ACAT2: variants seen among roughly 807,000 people sequenced by gnomAD.
ACAT2 encodes acetyl-CoA acetyltransferase, cytosolic.
In ACAT2, 26 loss-of-function variants were observed where a neutral mutation model predicts 37.1. The observed-to-expected ratio is 0.70, with a 90% confidence interval of 0.51 to 0.97. The LOEUF (loss-of-function observed/expected upper bound fraction) is 0.97, where lower values mean the gene tolerates loss of function less well. ACAT2 is among the 50% of genes least tolerant of loss of function. The pLI, the probability that ACAT2 is intolerant of heterozygous loss-of-function variation, is 0.00. For missense variants in ACAT2, 468 were observed against 489.0 expected (o/e 0.96, Z 0.40); for synonymous variants, 156 against 163.6 (o/e 0.95, Z 0.35).
intron 6 of ACAT2, among the ~76,000 whole-genome samples, chr6:159,777,023 G>A (rs1016827174): frequency 2.0e-5 from 3 of 152,176 alleles, no homozygotes; most frequent in African/African-American, 7.2e-5. Flanking sequence ...CTGACCTCAG[G>A]TGATTCACCC....
At chr6:159,762,293 G>GCGGGATCCCTGGAACCCTGCGC in intron 1 of ACAT2, 151 bp downstream of exon 1, 5 of 1,218,700 alleles carry the variant, frequency 4.1e-6, no homozygotes, top group Non-Finnish European at 5.6e-6. Flanking sequence ...GAACCCTGCG[G>GCGGGATCCCTGGAACCCTGCGC]CTCCCGCGTT....
chr6:159,769,779 G>T (rs140271124), intron 4 of ACAT2, among the ~76,000 whole-genome samples: 2 of 152,324 alleles, frequency 1.3e-5, no homozygotes, highest in East Asian at 3.9e-4. Flanking sequence ...AAGAAGCAGA[G>T]AATTTGGGGC....
Position 159,767,460 on chromosome 6 carries a change from T to C in ACAT2, c.372+274T>C, listed in dbSNP as rs373443448. ...GCATGTAATATTTTCTGAATTAAAT[T>C]CATATTAGTTGCTTGATGTCCTTGG... is the stretch of plus-strand genomic sequence containing the variant. On this transcript the variant is annotated intron_variant, in intron 3 of 8. Transcript: ENST00000367048. 7.9e-5 allele frequency among the ~76,000 whole-genome samples: 12 copies of C among 152,208 alleles called. No individual in the cohort carries two copies. In the East Asian group the frequency reaches 2.1e-3, roughly 27 times the overall value.
At chr6:159,774,603 T>C (rs1469202826) in intron 4 of ACAT2, among the ~76,000 whole-genome samples, 2 of 151,982 alleles carry the variant, frequency 1.3e-5, no homozygotes, top group Non-Finnish European at 2.9e-5. Context: ...ACACACACCA[T>C]GCCCGGCTAA....
intron 2 of ACAT2, among the ~76,000 whole-genome samples, chr6:159,766,208 T>C (rs911224240): frequency 2.0e-5 from 3 of 152,226 alleles, no homozygotes; most frequent in Non-Finnish European, 4.4e-5. Context: ...TTAAGCATAG[T>C]GTAATGAATA....
In ACAT2 at chr6:159,778,872, T is replaced by C. The variant is rs1286662274; in HGVS notation, c.*43T>C. ...CAACCTCAATTTCTTTTTAAACTAATAAAGTACTAGGTTGCAATATGTGAA... is the reference window on the plus strand; with the variant it reads ...CAACCTCAATTTCTTTTTAAACTAACAAAGTACTAGGTTGCAATATGTGAA... On this transcript the variant is annotated 3_prime_UTR_variant, in exon 9 of 9. Coordinates refer to ENST00000367048, the MANE Select transcript of ACAT2 (RefSeq NM_005891.3). 2 of 1,612,486 alleles carry C rather than the reference T, an allele frequency of 1.2e-6. No individual in the cohort carries two copies. The highest frequency in any genetic ancestry group is 1.7e-6 in the Non-Finnish European group (2 of 1,178,836).
intron 2 of ACAT2, 47 bp downstream of exon 2, chr6:159,763,100 C>T (rs374044350): frequency 1.9e-4 from 299 of 1,579,290 alleles, no homozygotes; most frequent in Non-Finnish European, 2.5e-4. Flanking sequence ...TAGAAACAGC[C>T]CATAAACACA....
chr6:159,775,053 A>G, intron 4 of ACAT2, 117 bp from the exon 5 acceptor site: 4 of 1,209,976 alleles, frequency 3.3e-6, no homozygotes, highest in Non-Finnish European at 4.6e-6. Context: ...TGCACAGGCC[A>G]CCATGAGCCT....
intron 6 of ACAT2, among the ~76,000 whole-genome samples, chr6:159,776,795 TTTTTTC>T (rs1463985217): frequency 6.6e-6 from 1 of 151,582 alleles, no homozygotes; most frequent in Non-Finnish European, 1.5e-5. Context: ...GTAATCCTTT[TTTTTTC>T]TTTTTGAGAC....
At chr6:159,774,633 A>G (rs188641799) in intron 4 of ACAT2, among the ~76,000 whole-genome samples, 4 of 152,100 alleles carry the variant, frequency 2.6e-5, no homozygotes, top group Admixed American at 2.6e-4. Flanking sequence ...TAATGGAGAC[A>G]GGGTCTCGCT....
chr6:159,776,112 C>CA, intron 5 of ACAT2, 38 bp from the exon 6 acceptor site: 1 of 1,606,850 alleles, frequency 6.2e-7, no homozygotes, highest in Non-Finnish European at 8.5e-7. Flanking sequence ...ACTTCTGTCT[C>CA]TGGACTAATC....
At position 159,776,163 on chromosome 6, in the gene ACAT2, TAAAAC is replaced by T; in HGVS notation, c.650_654del (p.Lys217ArgfsTer2). On this transcript the variant is annotated frameshift_variant, in exon 6 of 9. Coordinates refer to ENST00000367048, the MANE Select transcript of ACAT2 (RefSeq NM_005891.3). LOFTEE classifies it high-confidence loss of function. ...TCCTTTGCTTAGGTCTTATTGAAGT[TAAAAC>T]AGATGAGTTTCCTCGCCATGGGAGC... 2 of 1,614,054 alleles carry T rather than the reference TAAAAC, an allele frequency of 1.2e-6. No individual in the cohort carries two copies. The highest frequency in any genetic ancestry group is 1.7e-6 in the Non-Finnish European group (2 of 1,179,950).
rs1780491413 is a variant in ACAT2 at position 159,778,663 on chromosome 6, A to G, written c.1028A>G (p.Asn343Ser). ...KELGLNPEKVNIEGGAIALGH... is the reference protein window; with the variant it reads ...KELGLNPEKVSIEGGAIALGH... ...AAATCTTTTCTCCCCCGTTAGGTCA[A>G]TATTGAAGGAGGGGCTATAGCCTTG... Residue 343 changes from asparagine (N) to serine (S), a missense_variant, in exon 9 of 9, where the codon AAT becomes AGT. Physicochemically the swap from Asn to Ser is conservative, Grantham distance 46. Coordinates refer to ENST00000367048, the MANE Select transcript of ACAT2 (RefSeq NM_005891.3). The G allele has an allele frequency of 1.9e-6, 3 of 1,613,990 alleles. No individual in the cohort carries two copies. The African/African-American group carries it at 4.0e-5, about 22-fold the overall frequency.
intron 4 of ACAT2, among the ~76,000 whole-genome samples, chr6:159,769,529 C>T (rs1353848002): frequency 6.6e-6 from 1 of 152,176 alleles, no homozygotes; most frequent in East Asian, 1.9e-4. Context: ...AGAAAAAAGG[C>T]TCAGGTCATG....
Position 159,762,251 on chromosome 6 carries a change from A to G in ACAT2, c.55+109A>G, listed in dbSNP as rs1455962116. The G allele has an allele frequency of 1.0e-5, 14 of 1,392,840 alleles. No individual in the cohort carries two copies. The African/African-American group carries it at 1.9e-4, about 19-fold the overall frequency. 86.3% of individuals were successfully genotyped at this position (1,392,840 alleles called of 1,614,324 possible). ...GGGGCGTATGTGGAGGAAGCCGGTCAGGCCAAGCCGCGAGGAGCCGCGGGA... is the reference window on the plus strand; with the variant it reads ...GGGGCGTATGTGGAGGAAGCCGGTCGGGCCAAGCCGCGAGGAGCCGCGGGA... On this transcript the variant is annotated intron_variant, in intron 1 of 8. Coordinates refer to ENST00000367048, the MANE Select transcript of ACAT2 (RefSeq NM_005891.3).
chr6:159,766,402 C>T (rs566262415), intron 2 of ACAT2, among the ~76,000 whole-genome samples: 9 of 151,508 alleles, frequency 5.9e-5, no homozygotes, highest in East Asian at 1.9e-4. Flanking sequence ...AGCACCCCCC[C>T]GCACTTTTTT....
Position 159,779,096 on chromosome 6 carries a change from A to G in ACAT2, c.*267A>G, listed in dbSNP as rs1390702026. ...CAGCATCTTCATAACTTCCATGTTT[A>G]TCATCTTTACTTTCTGGATGTAATT... On this transcript the variant is annotated 3_prime_UTR_variant, in exon 9 of 9. Coordinates refer to ENST00000367048, the MANE Select transcript of ACAT2 (RefSeq NM_005891.3). 6 of 1,614,000 alleles carry G rather than the reference A, an allele frequency of 3.7e-6. No homozygotes were observed. Among genetic ancestry groups the G allele is most frequent in the Non-Finnish European group, 5.1e-6 (6 of 1,179,986 alleles).
Position 159,778,681 on chromosome 6 carries a change from T to C in ACAT2, c.1046T>C (p.Ile349Thr). ...TAGGTCAATATTGAAGGAGGGGCTATAGCCTTGGGCCACCCTCTTGGAGCA... is the reference window on the plus strand; with the variant it reads ...TAGGTCAATATTGAAGGAGGGGCTACAGCCTTGGGCCACCCTCTTGGAGCA... ...PEKVNIEGGA[I>T]ALGHPLGASG... Residue 349 changes from isoleucine (I) to threonine (T), a missense_variant, in exon 9 of 9, where the codon ATA (isoleucine) becomes ACA (threonine). Transcript: ENST00000367048. 2 of 1,614,210 alleles carry C rather than the reference T, an allele frequency of 1.2e-6. No individual in the cohort carries two copies. The highest frequency in any genetic ancestry group is 1.7e-6 in the Non-Finnish European group (2 of 1,180,024).
At chr6:159,768,026 C>G (rs1780281675) in intron 3 of ACAT2, among the ~76,000 whole-genome samples, 1 of 152,196 alleles carries the variant, frequency 6.6e-6, no homozygotes, top group South Asian at 2.1e-4. Context: ...TGACTCTTTC[C>G]ATTCTAATAT....
Sources: allele counts gnomAD v4.1 joint callset (sites outside exome capture counted in the v4.1 genomes callset), GRCh38; gene constraint gnomAD v4.1.1; transcripts MANE v1.5; gene names NCBI Gene and HGNC (gene_info 2026-07-23, HGNC 2026-07-21).